Variants in LAMB3 observed in about 807,000 individuals in gnomAD.
LAMB3 encodes the protein laminin subunit beta 3.
Under a neutral mutation model 140.3 loss-of-function variants are expected in LAMB3, and 104 were observed. The observed-to-expected ratio is 0.74, with a 90% CI of 0.63 to 0.87. The LOEUF (loss-of-function observed/expected upper bound fraction) is 0.87. LAMB3 is among the 40% of genes least tolerant of loss of function. LAMB3 has a pLI of 0.00. For missense variants in LAMB3, 1,531 were observed against 1,575.2 expected (o/e 0.97, Z 0.47); for synonymous variants, 592 against 602.9 (o/e 0.98, Z 0.26).
intron 21 of LAMB3, 25 bp downstream of exon 21, chr1:209,617,385 T>A: frequency 6.2e-7 from 1 of 1,610,578 alleles, no homozygotes. Context: ...CGTACATCAT[T>A]GAGCTAACTC....
Position 209,620,364 on chromosome 1 carries a change from T to C in LAMB3, c.2702-1705A>G, listed in dbSNP as rs1173087542. ...GCCATGGAAGGGGCCCCCAGCGCCA[T>C]CTGATAGGTCCAGGGAGGCTGCCTG... On this transcript the variant is annotated intron_variant, in intron 18 of 22. Transcript: ENST00000356082. Among the ~76,000 whole-genome samples the C allele has an allele frequency of 3.3e-5, 5 of 152,224 alleles. 1 individual carries two copies. In the East Asian group the frequency reaches 9.7e-4, roughly 29 times the overall value.
chr1:209,645,065 G>A (rs960099692), intron 3 of LAMB3, among the ~76,000 whole-genome samples: 2 of 152,102 alleles, frequency 1.3e-5, no homozygotes, highest in South Asian at 2.1e-4. Context: ...ACCTCACAAG[G>A]CCTACCCCTT....
rs2102466037 is a variant in LAMB3 at position 209,650,039 on chromosome 1, C to T, written c.108G>A (p.Gly36=). 2.5e-6 allele frequency: 4 copies of T among 1,614,144 alleles called. No individual in the cohort carries two copies. The highest frequency in any genetic ancestry group is 3.4e-6 in the Non-Finnish European group (4 of 1,180,022). The stretch of plus-strand genomic sequence containing the variant: ...ATGAAGCTCGGAGAAACCGGGTCCT[C>T]CCAACAAGCAGGTCCCCAACAGGTG... The part of the protein sequence containing the change: ...CYPPVGDLLV[G]RTRFLRASST... The change falls in exon 3 of 23, where the codon GGG becomes GGA. Residue 36 remains glycine (G), a synonymous_variant. Coordinates refer to ENST00000356082, the MANE Select transcript of LAMB3 (RefSeq NM_000228.3).
chr1:209,632,592 G>A lies in LAMB3; in HGVS notation c.813C>T (p.Thr271=), dbSNP rs146690433. 2.6e-5 allele frequency: 42 copies of A among 1,613,770 alleles called. 1 individual carries two copies. Among genetic ancestry groups the A allele is most frequent in the Middle Eastern group, 3.3e-4 (2 of 6,036 alleles). Residue 271 remains threonine, a synonymous_variant, in exon 8 of 23, where the codon ACC becomes ACT. Transcript: ENST00000356082. ...PKPGASAGPS[T]AVQVHDVCVC... ...CACCCTAGGCTGTTACCTGCACAGCGGTGGAGGGGCCTGCAGAGGCCCCAG... is the reference window on the plus strand; with the variant it reads ...CACCCTAGGCTGTTACCTGCACAGCAGTGGAGGGGCCTGCAGAGGCCCCAG...
At position 209,615,260 on chromosome 1, in the gene LAMB3, A is replaced by C; in HGVS notation, c.*11T>G. Reference sequence around the variant, plus strand: ...GCAGATGAGTGGGGCAACGGGCTGGAAGCTGTAGCATCACTTGCAGGTGGC... The same window carrying C: ...GCAGATGAGTGGGGCAACGGGCTGGCAGCTGTAGCATCACTTGCAGGTGGC... On this transcript the variant is annotated 3_prime_UTR_variant, in exon 23 of 23. Coordinates refer to ENST00000356082, the MANE Select transcript of LAMB3 (RefSeq NM_000228.3). The C allele has an allele frequency of 6.2e-7, 1 of 1,614,098 alleles. No homozygotes were observed. Among genetic ancestry groups the C allele is most frequent in the South Asian group, 1.1e-5 (1 of 91,090 alleles).
Position 209,624,880 on chromosome 1 carries a change from G to GAGGAAGGAAGGAAGGAAGGA in LAMB3, c.1976+748_1976+767dup, listed in dbSNP as rs397962425. Among the ~76,000 whole-genome samples the GAGGAAGGAAGGAAGGAAGGA allele has an allele frequency of 1.2e-3, 116 of 100,832 alleles. 1 individual carries two copies. Among genetic ancestry groups the GAGGAAGGAAGGAAGGAAGGA allele is most frequent in the East Asian group, 4.1e-3 (14 of 3,422 alleles). The allele number at this position is 100,832 out of a possible 152,430, so 66.1% of individuals were successfully genotyped here. On this transcript the variant is annotated intron_variant, in intron 14 of 22. Coordinates refer to ENST00000356082, the MANE Select transcript of LAMB3 (RefSeq NM_000228.3). ...TTATGTAAAGAGAAAGAAAGAGAGA[G>GAGGAAGGAAGGAAGGAAGGA]AGGAAGGAAGGAAGGAAGGAAGGAA...
Position 209,629,769 on chromosome 1 carries a change from C to A in LAMB3, c.1100G>T (p.Arg367Leu). 6.2e-7 allele frequency: 1 copy of A among 1,614,008 alleles called. No homozygotes were observed. The highest frequency in any genetic ancestry group is 8.5e-7 in the Non-Finnish European group (1 of 1,180,040). ...RCQLHYFRNR[R>L]PGASIQETCI... ...GGTCTCCTGAATGGAAGCTCCCGGGCGCCGGTTCCGGAAATAGTGCAGCTG... is the reference window on the plus strand; with the variant it reads ...GGTCTCCTGAATGGAAGCTCCCGGGAGCCGGTTCCGGAAATAGTGCAGCTG... The change falls in exon 10 of 23, where the codon CGC becomes CTC. Residue 367 changes from arginine (R) to leucine (L), a missense_variant. By Grantham distance (102) the Arg-to-Leu change is moderately radical. Transcript: ENST00000356082.
Position 209,634,547 on chromosome 1 carries a change from G to GA in LAMB3, c.463dup (p.Ser155PhefsTer27), listed in dbSNP as rs776537364. 62 of 1,614,024 alleles carry GA rather than the reference G, an allele frequency of 3.8e-5. No individual in the cohort carries two copies. The highest frequency in any genetic ancestry group is 5.2e-5 in the Non-Finnish European group (61 of 1,180,036). On this transcript the variant is annotated frameshift_variant, in exon 6 of 23. Transcript: ENST00000356082. LOFTEE classifies it high-confidence loss of function. ...ACCCTGGCGGACCCGAGGGAAGGTG[G>GA]AGGTGCAGTCGGCAGCCAGGTACTG...
At chr1:209,651,283 G>A (rs189786385) in intron 1 of LAMB3, 69 of 382,290 alleles carry the variant, frequency 1.8e-4, no homozygotes, top group African/African-American at 3.1e-4. Flanking sequence ...CCACACAGCC[G>A]TAAGGACAAC....
chr1:209,615,007 A>T lies in LAMB3; in HGVS notation c.*264T>A. On this transcript the variant is annotated 3_prime_UTR_variant, in exon 23 of 23. Coordinates refer to ENST00000356082, the MANE Select transcript of LAMB3 (RefSeq NM_000228.3). The stretch of plus-strand genomic sequence containing the variant: ...GAACTAAAGGCGGGGGATACTGCCC[A>T]GCCCAGCTTCCTTGACTTGAGAGCT... The T allele has an allele frequency of 2.1e-6, 1 of 483,180 alleles. No homozygotes were observed. Among genetic ancestry groups the T allele is most frequent in the South Asian group, 3.1e-5 (1 of 32,290 alleles). The allele number at this position is 483,180 out of a possible 1,614,324, so 29.9% of individuals were successfully genotyped here.
In LAMB3 at chr1:209,650,955, T is replaced by A; in HGVS notation, c.-11A>T. 1.2e-6 allele frequency: 2 copies of A among 1,614,120 alleles called. No homozygotes were observed. The highest frequency in any genetic ancestry group is 1.7e-6 in the Non-Finnish European group (2 of 1,179,980). ...GAAGAATGGTCTCATCTTCAGCCAA[T>A]GGGGTGATCCCCAGAAAGGACCTTT... On this transcript the variant is annotated 5_prime_UTR_variant, in exon 2 of 23. Coordinates refer to ENST00000356082, the MANE Select transcript of LAMB3 (RefSeq NM_000228.3).
In LAMB3 at chr1:209,622,683, G is replaced by A. The variant is rs1666247308; in HGVS notation, c.2557-3C>T. 1 of 1,613,980 alleles carries A rather than the reference G, an allele frequency of 6.2e-7. No individual in the cohort carries two copies. Among genetic ancestry groups the A allele is most frequent in the South Asian group, 1.1e-5 (1 of 91,084 alleles). On this transcript the variant is annotated splice_polypyrimidine_tract_variant and splice_region_variant and intron_variant, in intron 17 of 22. Transcript: ENST00000356082. ...GCAGATTCCTCGGCTGCCCTAATCT[G>A]TTGACATACACTCTAGGTCAGAAGG...
chr1:209,634,540 G>A lies in LAMB3; in HGVS notation c.471C>T (p.Phe157=), dbSNP rs749866341. ...QYLAADCTST[F]PRVRQGRPQS... ...GAGGCCGACCCTGGCGGACCCGAGG[G>A]AAGGTGGAGGTGCAGTCGGCAGCCA... The change falls in exon 6 of 23, where the codon TTC becomes TTT. Residue 157 remains phenylalanine, a synonymous_variant. Transcript: ENST00000356082. The A allele has an allele frequency of 5.6e-6, 9 of 1,614,164 alleles. No individual in the cohort carries two copies. The highest frequency in any genetic ancestry group is 5.9e-6 in the Non-Finnish European group (7 of 1,180,026).
rs138710333 is a variant in LAMB3 at position 209,625,890 on chromosome 1, G to A, written c.1734C>T (p.Cys578=). The A allele has an allele frequency of 7.6e-5, 123 of 1,613,740 alleles. No individual in the cohort carries two copies. The highest frequency in any genetic ancestry group is 1.3e-4 in the Admixed American group (8 of 59,966). Residue 578 remains cysteine (C), a synonymous_variant, in exon 14 of 23, where the codon TGC becomes TGT. Transcript: ENST00000356082. ...TCTGGAAGCAAGGGTGGCAGGCCAC[G>A]CACACCGGGTAGCGATTACAGTAGC... ...QRGYCNRYPV[C]VACHPCFQTY... is the part of the protein sequence containing the mutation.
chr1:209,634,891 C>T (rs1666839101), intron 5 of LAMB3, among the ~76,000 whole-genome samples: 1 of 151,756 alleles, frequency 6.6e-6, no homozygotes, highest in Non-Finnish European at 1.5e-5. Flanking sequence ...TCTGCTCCTA[C>T]ACTTCGCACA....
chr1:209,647,596 T>C (rs1354487620), intron 3 of LAMB3, among the ~76,000 whole-genome samples: 2 of 152,042 alleles, frequency 1.3e-5, no homozygotes, highest in African/African-American at 4.8e-5. Flanking sequence ...TTCAGGGAAG[T>C]GTGTCTGTGG....
In LAMB3 at chr1:209,634,597, G is replaced by A. The variant is rs1382722706; in HGVS notation, c.414C>T (p.Asp138=). The A allele has an allele frequency of 5.0e-6, 8 of 1,613,996 alleles. No homozygotes were observed. In the African/African-American group the frequency reaches 8.0e-5, roughly 16 times the overall value. Residue 138 remains aspartate, a synonymous_variant, in exon 6 of 23, where the codon GAC becomes GAT. Transcript: ENST00000356082. ...PAGMLIERSS[D]FGKTWRVYQY... ...GGTACACTCGCCAGGTCTTACCGAA[G>A]TCTGAGGAGCGCTCAATCAGCATGC...
At chr1:209,644,873 AC>A (rs929185743) in intron 3 of LAMB3, among the ~76,000 whole-genome samples, 3 of 152,094 alleles carry the variant, frequency 2.0e-5, no homozygotes, top group African/African-American at 7.2e-5. Context: ...CTCATATGGC[AC>A]CCAGGCAGGG....
chr1:209,646,515 G>T (rs533584397), intron 3 of LAMB3, among the ~76,000 whole-genome samples: 1 of 152,144 alleles, frequency 6.6e-6, no homozygotes, highest in Non-Finnish European at 1.5e-5. Flanking sequence ...CCCAGTCTGG[G>T]GTGACTTCAC....
Sources: allele counts gnomAD v4.1 joint callset (sites outside exome capture counted in the v4.1 genomes callset), GRCh38; gene constraint gnomAD v4.1.1; transcripts MANE v1.5; gene names NCBI Gene and HGNC (gene_info 2026-07-23, HGNC 2026-07-21).